Variants in ZMYND12 observed in about 807,000 individuals in gnomAD.
The protein encoded by ZMYND12 is zinc finger MYND-type containing 12.
In ZMYND12, 32 loss-of-function variants were observed where a neutral mutation model predicts 41.7. That is an observed-to-expected ratio of 0.77 (90% CI 0.58 to 1.03). The LOEUF (loss-of-function observed/expected upper bound fraction) is 1.03, where lower values mean the gene tolerates loss of function less well. Ranked by LOEUF, ZMYND12 falls within the 50% of genes least tolerant of loss-of-function variation. ZMYND12 has a pLI of 0.00. For missense variants in ZMYND12, 424 were observed against 438.5 expected (o/e 0.97, Z 0.30); for synonymous variants, 148 against 164.8 (o/e 0.90, Z 0.78).
chr1:42,440,360 AC>A (rs1452282001), intron 3 of ZMYND12, among the ~76,000 whole-genome samples: 1 of 152,238 alleles, frequency 6.6e-6, no homozygotes, highest in African/African-American at 2.4e-5. Flanking sequence ...CTTTGAAAAC[AC>A]TATACTAAGT....
intron 5 of ZMYND12, among the ~76,000 whole-genome samples, chr1:42,435,988 T>C (rs926318940): frequency 3.9e-5 from 6 of 152,236 alleles, no homozygotes; most frequent in Non-Finnish European, 8.8e-5. Flanking sequence ...GGAAACAGTT[T>C]AAAATATTTT....
In ZMYND12 at chr1:42,430,587, G is replaced by GA; in HGVS notation, c.*148dup. On this transcript the variant is annotated 3_prime_UTR_variant, in exon 8 of 8. Transcript: ENST00000372565. ...TATATTCCCTTAATATGCTGTGTAA[G>GA]AAAAAAATAACAGCTATGTGTGCAA... The GA allele has an allele frequency of 9.7e-7, 1 of 1,034,764 alleles. No homozygotes were observed. The highest frequency in any genetic ancestry group is 1.4e-6 in the Non-Finnish European group (1 of 721,132). 64.1% of individuals were successfully genotyped at this position (1,034,764 alleles called of 1,614,324 possible).
At chr1:42,440,484 G>A (rs182098014) in intron 3 of ZMYND12, among the ~76,000 whole-genome samples, 1 of 149,342 alleles carries the variant, frequency 6.7e-6, no homozygotes, top group South Asian at 2.1e-4. Flanking sequence ...CAGGCGACAG[G>A]GGGAGTCCAA....
intron 3 of ZMYND12, among the ~76,000 whole-genome samples, chr1:42,446,385 C>T (rs878930427): frequency 4.6e-5 from 7 of 152,116 alleles, no homozygotes; most frequent in African/African-American, 9.7e-5. Context: ...AGGCCAGACA[C>T]GGTGGCTCAT....
At chr1:42,440,155 C>T (rs1236023061) in intron 3 of ZMYND12, 130 bp from the exon 4 acceptor site, 4 of 926,156 alleles carry the variant, frequency 4.3e-6, no homozygotes, top group South Asian at 3.4e-5. Flanking sequence ...AAAACTCATA[C>T]AGGAATGTTC....
At chr1:42,451,976 G>A (rs1275788404) in intron 1 of ZMYND12, among the ~76,000 whole-genome samples, 3 of 152,184 alleles carry the variant, frequency 2.0e-5, no homozygotes, top group African/African-American at 7.2e-5. Flanking sequence ...CAGGGATAAA[G>A]TAGGAATGGA....
Position 42,430,792 on chromosome 1 carries a change from T to G in ZMYND12, c.1042A>C (p.Ser348Arg), listed in dbSNP as rs1642840609. Residue 348 changes from serine (S) to arginine (R), a missense_variant, in exon 8 of 8, where the codon AGC (serine) becomes CGC (arginine). Physicochemically the swap from Ser to Arg is moderately radical, Grantham distance 110. Coordinates refer to ENST00000372565, the MANE Select transcript of ZMYND12 (RefSeq NM_032257.5). ...AGACTTAATAACTCTTGAATGGTGC[T>G]TTGCTCATGGACATCAAGCTGTTGT... ...KEQQLDVHEQ[S>R]TIQELLSLIS... 6.2e-7 allele frequency: 1 copy of G among 1,614,194 alleles called. No individual in the cohort carries two copies.
chr1:42,435,723 T>G (rs1221495263), intron 5 of ZMYND12, among the ~76,000 whole-genome samples: 1 of 152,218 alleles, frequency 6.6e-6, no homozygotes, highest in Non-Finnish European at 1.5e-5. Context: ...CCATTTTACA[T>G]GTAAATAAAC....
At chr1:42,437,044 G>A (rs923287863) in intron 4 of ZMYND12, among the ~76,000 whole-genome samples, 6 of 152,256 alleles carry the variant, frequency 3.9e-5, no homozygotes, top group Non-Finnish European at 5.9e-5. Flanking sequence ...CAACCAAAAT[G>A]TCCATCAACT....
At chr1:42,436,687 C>A in intron 4 of ZMYND12, 144 bp from the exon 5 acceptor site, 2 of 982,006 alleles carry the variant, frequency 2.0e-6, no homozygotes, top group Non-Finnish European at 1.4e-6. Context: ...TGACATTTCT[C>A]CAAAAAGATA....
In ZMYND12 at chr1:42,435,317, T is replaced by C. The variant is rs757350847; in HGVS notation, c.786A>G (p.Gln262=). The C allele has an allele frequency of 1.7e-5, 28 of 1,613,914 alleles. No individual in the cohort carries two copies. Among genetic ancestry groups the C allele is most frequent in the East Asian group, 2.2e-5 (1 of 44,886 alleles). Reference sequence around the variant, plus strand: ...CAAATAGTTTGCCCAGTAAATCCATTTGTTGGATGTGAGCCTGTGAGAGGA... The same window carrying C: ...CAAATAGTTTGCCCAGTAAATCCATCTGTTGGATGTGAGCCTGTGAGAGGA... The part of the protein sequence containing the change: ...YQVLSQAHIQ[Q]MDLLGKLFEN... The change falls in exon 6 of 8, where the codon CAA becomes CAG. Residue 262 remains glutamine (Q), a synonymous_variant. Transcript: ENST00000372565.
intron 2 of ZMYND12, 113 bp from the exon 3 acceptor site, chr1:42,448,751 G>T: frequency 9.4e-7 from 1 of 1,066,046 alleles, no homozygotes. Context: ...AAGGCACATA[G>T]TGAGCCTGCC....
At chr1:42,434,812 C>T (rs954580341) in intron 6 of ZMYND12, among the ~76,000 whole-genome samples, 3 of 151,692 alleles carry the variant, frequency 2.0e-5, no homozygotes, top group Admixed American at 6.6e-5. Context: ...TTATATATTA[C>T]AATATATTAA....
chr1:42,441,655 C>G (rs1213619715), intron 3 of ZMYND12, among the ~76,000 whole-genome samples: 2 of 151,786 alleles, frequency 1.3e-5, no homozygotes, highest in Non-Finnish European at 2.9e-5. Flanking sequence ...GAGTCTTGCT[C>G]TGTCGCCCAG....
rs763144205 is a variant in ZMYND12, at chr1:42,433,153, TTCA to T, written c.962_964del (p.Met321del). On this transcript the variant is annotated inframe_deletion, in exon 7 of 8. Transcript: ENST00000372565. ...TTTAGGGAAACTTGCCTTTGAAGAA[TTCA>T]TCATCAGGTAGTAAAACATGACCAG... The T allele has an allele frequency of 2.6e-5, 42 of 1,607,676 alleles. No homozygotes were observed. Among genetic ancestry groups the T allele is most frequent in the Non-Finnish European group, 3.5e-5 (41 of 1,178,108 alleles).
rs555453050 is a variant in ZMYND12, at chr1:42,448,767, T to C, written c.253-129A>G. The stretch of plus-strand genomic sequence containing the variant: ...AGGCACATAGTGAGCCTGCCTGTAT[T>C]AGAGTGGACGTGAAGCCCCACATAA... On this transcript the variant is annotated intron_variant, in intron 2 of 7. Transcript: ENST00000372565. 81 of 855,842 alleles carry C rather than the reference T, an allele frequency of 9.5e-5. No individual in the cohort carries two copies. In the African/African-American group the frequency reaches 1.3e-3, roughly 14 times the overall value. 53.0% of individuals were successfully genotyped at this position (855,842 alleles called of 1,614,324 possible).
intron 1 of ZMYND12, among the ~76,000 whole-genome samples, chr1:42,454,576 T>C (rs1643125573): frequency 6.6e-6 from 1 of 152,206 alleles, no homozygotes; most frequent in Non-Finnish European, 1.5e-5. Context: ...AATGAGAGCA[T>C]GTCAGCTCAA....
chr1:42,441,007 A>C (rs1210379844), intron 3 of ZMYND12, among the ~76,000 whole-genome samples: 1 of 152,118 alleles, frequency 6.6e-6, no homozygotes, highest in Non-Finnish European at 1.5e-5. Flanking sequence ...TGATATGTGA[A>C]TTATATCTCA....
chr1:42,450,247 T>A (rs1053319963), intron 1 of ZMYND12, among the ~76,000 whole-genome samples, 188 bp from the exon 2 acceptor site: 1 of 152,200 alleles, frequency 6.6e-6, no homozygotes, highest in African/African-American at 2.4e-5. Flanking sequence ...ATGTATAAAC[T>A]GTGTTGGGAT....
Sources: gnomAD v4.1 joint callset for allele counts (sites outside exome capture counted in the v4.1 genomes callset) on GRCh38, gnomAD v4.1.1 for gene constraint, MANE v1.5 for transcripts, NCBI Gene and HGNC (gene_info 2026-07-23, HGNC 2026-07-21) for gene names.